SDC2: variants seen among roughly 807,000 people sequenced by gnomAD.
SDC2 encodes the protein syndecan 2.
Under a neutral mutation model 22.2 loss-of-function variants are expected in SDC2, and 13 were observed. The observed-to-expected ratio is 0.59, with a 90% CI of 0.38 to 0.93. The LOEUF is 0.93. SDC2 is among the 40% of genes least tolerant of loss of function. SDC2 has a pLI of 0.00. For synonymous variants in SDC2, 94 were observed against 92.8 expected, an observed-to-expected ratio of 1.01 and a Z score of -0.07; for missense variants, 235 against 246.8, an observed-to-expected ratio of 0.95 and a Z score of 0.32.
chr8:96,499,410 A>C (rs749802671), intron 1 of SDC2, among the ~76,000 whole-genome samples: 2 of 152,232 alleles, frequency 1.3e-5, no homozygotes, highest in Admixed American at 1.3e-4. Flanking sequence ...GATTCTAATG[A>C]ATCAGACTAA....
chr8:96,580,121 A>G (rs1814565892), intron 1 of SDC2, among the ~76,000 whole-genome samples: 2 of 152,230 alleles, frequency 1.3e-5, no homozygotes, highest in African/African-American at 4.8e-5. Flanking sequence ...CTGCGCTGCA[A>G]TGTGACCACT....
intron 1 of SDC2, among the ~76,000 whole-genome samples, chr8:96,514,349 G>A (rs1339651560): frequency 1.3e-5 from 2 of 152,158 alleles, no homozygotes; most frequent in South Asian, 2.1e-4. Context: ...AGGCCAGCAC[G>A]AAGAATGTAA....
intron 1 of SDC2, among the ~76,000 whole-genome samples, chr8:96,500,712 G>A (rs1813148664): frequency 6.7e-6 from 1 of 148,872 alleles, no homozygotes; most frequent in South Asian, 2.1e-4. Context: ...TCTTCTTTTA[G>A]CCATTGGGCT....
intron 1 of SDC2, among the ~76,000 whole-genome samples, chr8:96,495,345 G>T (rs947258359): frequency 6.6e-6 from 1 of 152,226 alleles, no homozygotes; most frequent in Non-Finnish European, 1.5e-5. Flanking sequence ...CGCTTCGGGG[G>T]CTGGAGCTTG....
At chr8:96,575,573 C>T (rs565123659) in intron 1 of SDC2, among the ~76,000 whole-genome samples, 98 of 152,178 alleles carry the variant, frequency 6.4e-4, no homozygotes, top group African/African-American at 2.2e-3. Context: ...ATTCATGCCA[C>T]GAACAATTTC....
At chr8:96,589,437 TCTC>T (rs1814741204) in intron 1 of SDC2, among the ~76,000 whole-genome samples, 1 of 151,990 alleles carries the variant, frequency 6.6e-6, no homozygotes, top group Non-Finnish European at 1.5e-5. Flanking sequence ...TGAGACAGAG[TCTC>T]CTTGCTCTGT....
At chr8:96,537,113 G>C in intron 1 of SDC2, among the ~76,000 whole-genome samples, 1 of 151,990 alleles carries the variant, frequency 6.6e-6, no homozygotes, top group East Asian at 1.9e-4. Flanking sequence ...GTGTGTAGGG[G>C]GTCTGCTGTA....
chr8:96,537,445 A>C (rs1813771633), intron 1 of SDC2: 1 of 145,450 alleles, frequency 6.9e-6, no homozygotes, highest in African/African-American at 2.6e-5. Flanking sequence ...AGGAGTCATA[A>C]AGTTCTCCGA....
chr8:96,497,347 G>A, intron 1 of SDC2, among the ~76,000 whole-genome samples: 1 of 152,122 alleles, frequency 6.6e-6, no homozygotes, highest in Middle Eastern at 3.2e-3. Context: ...TCTTAGTTGG[G>A]TATTAGCAGA....
chr8:96,518,751 G>T (rs891715037), intron 1 of SDC2, among the ~76,000 whole-genome samples: 6 of 152,096 alleles, frequency 3.9e-5, no homozygotes, highest in Admixed American at 3.9e-4. Flanking sequence ...TAGAACTATA[G>T]GCTTTTAATT....
intron 1 of SDC2, among the ~76,000 whole-genome samples, chr8:96,542,991 G>A (rs1054442504): frequency 2.6e-5 from 4 of 152,170 alleles, no homozygotes; most frequent in African/African-American, 9.7e-5. Flanking sequence ...AGAGGGAGGG[G>A]AACTTAGGCA....
At chr8:96,555,963 A>G (rs1814102932) in intron 1 of SDC2, among the ~76,000 whole-genome samples, 2 of 152,104 alleles carry the variant, frequency 1.3e-5, no homozygotes, top group African/African-American at 2.4e-5. Flanking sequence ...AAACTCAGTG[A>G]AAGCTACACC....
chr8:96,514,765 CA>C (rs1813377006), intron 1 of SDC2, among the ~76,000 whole-genome samples: 1 of 152,064 alleles, frequency 6.6e-6, no homozygotes, highest in African/African-American at 2.4e-5. Flanking sequence ...GTGTAATTCA[CA>C]GGGGTTTGCA....
At chr8:96,574,954 C>G (rs1482841164) in intron 1 of SDC2, among the ~76,000 whole-genome samples, 1 of 152,158 alleles carries the variant, frequency 6.6e-6, no homozygotes, top group Non-Finnish European at 1.5e-5. Flanking sequence ...TAGATTCTCA[C>G]AAGGAGCGTG....
chr8:96,524,581 A>G (rs1056389043), intron 1 of SDC2, among the ~76,000 whole-genome samples: 9 of 152,168 alleles, frequency 5.9e-5, no homozygotes, highest in African/African-American at 2.2e-4. Flanking sequence ...AGGCAGCATG[A>G]GGAAATCTCC....
intron 1 of SDC2, among the ~76,000 whole-genome samples, chr8:96,569,931 G>A (rs1202374529): frequency 6.6e-6 from 1 of 152,198 alleles, no homozygotes; most frequent in African/African-American, 2.4e-5. Context: ...TCCTGACATT[G>A]TATGTAGATG....
At chr8:96,560,774 C>T (rs950051700) in intron 1 of SDC2, among the ~76,000 whole-genome samples, 7 of 151,734 alleles carry the variant, frequency 4.6e-5, no homozygotes, top group Non-Finnish European at 1.0e-4. Context: ...AAACTATTTA[C>T]ACAGTCCCTA....
At chr8:96,604,458 C>T (rs1030860164) in intron 3 of SDC2, among the ~76,000 whole-genome samples, 1 of 152,086 alleles carries the variant, frequency 6.6e-6, no homozygotes, top group Non-Finnish European at 1.5e-5. Flanking sequence ...CATTATGTGT[C>T]GAACACTGTT....
chr8:96,535,138 A>G (rs1233564851), intron 1 of SDC2, among the ~76,000 whole-genome samples: 9 of 152,000 alleles, frequency 5.9e-5, no homozygotes, highest in Middle Eastern at 3.2e-3. Flanking sequence ...GCCTCCGAGT[A>G]GCTGGGATTA....
Sources: allele counts gnomAD v4.1 joint callset (sites outside exome capture counted in the v4.1 genomes callset), GRCh38; gene constraint gnomAD v4.1.1; transcripts MANE v1.5; gene names NCBI Gene and HGNC (gene_info 2026-07-23, HGNC 2026-07-21).